Variants in AHSA1 observed in about 807,000 individuals in gnomAD.
The protein encoded by AHSA1 is activator of HSP90 ATPase activity 1, also known as activator of 90 kDa heat shock protein ATPase homolog 1.
In AHSA1, 14 loss-of-function variants were observed where a neutral mutation model predicts 46.1. The observed-to-expected ratio is 0.30, with a 90% CI of 0.20 to 0.47. The LOEUF is 0.47. AHSA1 is among the 20% of genes least tolerant of loss of function. The pLI, the probability that AHSA1 is intolerant of heterozygous loss-of-function variation, is 0.99. For missense variants in AHSA1, 333 were observed against 415.9 expected (o/e 0.80, Z 1.73); for synonymous variants, 147 against 145.8 (o/e 1.01, Z -0.06).
chr14:77,462,769 G>A lies in AHSA1; in HGVS notation c.472+10G>A. The A allele has an allele frequency of 1.2e-6, 2 of 1,609,388 alleles. No individual in the cohort carries two copies. Among genetic ancestry groups the A allele is most frequent in the South Asian group, 1.1e-5 (1 of 90,950 alleles). ...AGCACCCTCAAAACAGGTATCCCTTGAGTAGTTCTGTATGCCTTAAGGAGG... is the reference window on the plus strand; with the variant it reads ...AGCACCCTCAAAACAGGTATCCCTTAAGTAGTTCTGTATGCCTTAAGGAGG... On this transcript the variant is annotated intron_variant, in intron 4 of 8. Coordinates refer to ENST00000216479, the MANE Select transcript of AHSA1 (RefSeq NM_012111.3).
At position 77,465,236 on chromosome 14, in the gene AHSA1, T is replaced by G. The variant is rs1311802420; in HGVS notation, c.562-303T>G. Among the ~76,000 whole-genome samples the G allele has an allele frequency of 2.0e-5, 3 of 152,226 alleles. No homozygotes were observed. The South Asian group carries it at 6.2e-4, about 32-fold the overall frequency. On this transcript the variant is annotated intron_variant, in intron 5 of 8. Transcript: ENST00000216479. Reference sequence around the variant, plus strand: ...AAAACCGCTTCCAGCTATTTAAACATAGAAATTGTTTGAGAATTACACTGA... The same window carrying G: ...AAAACCGCTTCCAGCTATTTAAACAGAGAAATTGTTTGAGAATTACACTGA...
At chr14:77,464,446 A>T in intron 4 of AHSA1, 152 bp from the exon 5 acceptor site, 1 of 652,284 alleles carries the variant, frequency 1.5e-6, no homozygotes, top group Non-Finnish European at 2.7e-6. Flanking sequence ...AGTCTGGCAT[A>T]GGCCAAAAGT....
At chr14:77,462,971 C>G in intron 4 of AHSA1, 1 of 487,076 alleles carries the variant, frequency 2.1e-6, no homozygotes, top group Non-Finnish European at 3.8e-6. Flanking sequence ...TTAGATGTGG[C>G]TAGACCAAAC....
At chr14:77,461,010 T>A (rs1034212303) in intron 2 of AHSA1, among the ~76,000 whole-genome samples, 2 of 151,220 alleles carry the variant, frequency 1.3e-5, no homozygotes, top group African/African-American at 4.9e-5. Context: ...ATACAAAAAA[T>A]TAGCCCGGCG....
intron 5 of AHSA1, among the ~76,000 whole-genome samples, 164 bp from the exon 6 acceptor site, chr14:77,465,375 G>A (rs974947292): frequency 2.6e-5 from 4 of 152,182 alleles, no homozygotes; most frequent in African/African-American, 9.7e-5. Flanking sequence ...TTACCCTCAT[G>A]ACTGAAACAC....
intron 6 of AHSA1, among the ~76,000 whole-genome samples, chr14:77,466,821 C>T (rs1223592854): frequency 1.3e-5 from 2 of 152,248 alleles, no homozygotes; most frequent in African/African-American, 4.8e-5. Context: ...TACTTGGTGC[C>T]TGCTGCCTTG....
At chr14:77,468,361 G>A (rs2079057419) in intron 7 of AHSA1, 96 bp from the exon 8 acceptor site, 3 of 1,290,748 alleles carry the variant, frequency 2.3e-6, no homozygotes, top group Non-Finnish European at 3.3e-6. Context: ...TAATTGCACA[G>A]ATGGTAGACT....
rs182344522 is a variant in AHSA1, at chr14:77,458,866, C to T, written c.80+597C>T. 2.6e-4 allele frequency among the ~76,000 whole-genome samples: 40 copies of T among 152,238 alleles called. 1 individual carries two copies. Among genetic ancestry groups the T allele is most frequent in the African/African-American group, 7.9e-4 (33 of 41,550 alleles). Reference sequence around the variant, plus strand: ...ACCTGACCGTTCTTAAAATAACTGCCCTCCTTCATGAAATCTTCCCAAAGT... The same window carrying T: ...ACCTGACCGTTCTTAAAATAACTGCTCTCCTTCATGAAATCTTCCCAAAGT... On this transcript the variant is annotated intron_variant, in intron 1 of 8. Transcript: ENST00000216479.
rs929151124 is a variant in AHSA1, at chr14:77,464,692, T to C, written c.561+6T>C. 1.2e-6 allele frequency: 2 copies of C among 1,611,526 alleles called. No individual in the cohort carries two copies. Among genetic ancestry groups the C allele is most frequent in the Non-Finnish European group, 1.7e-6 (2 of 1,179,250 alleles). The stretch of plus-strand genomic sequence containing the variant: ...TGAAAACTGAGGAGCGCAAGGTAAA[T>C]GGTTTTCCTGGGGTGGGAGACTGTC... On this transcript the variant is annotated splice_donor_region_variant and intron_variant, in intron 5 of 8. Coordinates refer to ENST00000216479, the MANE Select transcript of AHSA1 (RefSeq NM_012111.3).
chr14:77,462,780 T>C, intron 4 of AHSA1, 21 bp downstream of exon 4: 2 of 1,599,648 alleles, frequency 1.3e-6, no homozygotes, highest in Non-Finnish European at 8.6e-7. Context: ...AGTAGTTCTG[T>C]ATGCCTTAAG....
chr14:77,461,021 TGGTGG>T (rs2079021166), intron 2 of AHSA1, among the ~76,000 whole-genome samples: 5 of 151,634 alleles, frequency 3.3e-5, no homozygotes, highest in Admixed American at 6.6e-5. Flanking sequence ...TAGCCCGGCG[TGGTGG>T]CATGTGCCTG....
chr14:77,459,136 G>A (rs2079007116), intron 1 of AHSA1, among the ~76,000 whole-genome samples: 1 of 152,122 alleles, frequency 6.6e-6, no homozygotes, highest in Non-Finnish European at 1.5e-5. Context: ...GGCCATCTAG[G>A]GGACAGTGAA....
chr14:77,458,907 AT>A (rs2079004384), intron 1 of AHSA1, among the ~76,000 whole-genome samples: 1 of 152,128 alleles, frequency 6.6e-6, no homozygotes, highest in Admixed American at 6.5e-5. Context: ...TAGTTTCCTT[AT>A]TTTTGAATTC....
chr14:77,464,552 A>C (rs1364149184), intron 4 of AHSA1, 46 bp from the exon 5 acceptor site: 1 of 1,513,856 alleles, frequency 6.6e-7, no homozygotes, highest in South Asian at 1.2e-5. Flanking sequence ...TCCAGATCTC[A>C]GCTACTAAGA....
intron 1 of AHSA1, 23 bp from the exon 2 acceptor site, chr14:77,459,593 A>G (rs1193599977): frequency 6.2e-7 from 1 of 1,613,246 alleles, no homozygotes; most frequent in East Asian, 2.2e-5. Context: ...CTGCTGGTTC[A>G]TAGCTCTGTT....
At chr14:77,466,499 T>C (rs1429379677) in intron 6 of AHSA1, 1 of 152,276 alleles carries the variant, frequency 6.6e-6, no homozygotes, top group Non-Finnish European at 1.5e-5. Context: ...TCCCATATAC[T>C]CTGGGACAAA....
chr14:77,462,302 A>G (rs569272181), intron 3 of AHSA1, 60 bp downstream of exon 3: 1 of 1,488,670 alleles, frequency 6.7e-7, no homozygotes, highest in South Asian at 1.1e-5. Context: ...CAGATGAGAA[A>G]AGTGACCTGT....
At chr14:77,458,929 T>C (rs1458084833) in intron 1 of AHSA1, among the ~76,000 whole-genome samples, 2 of 152,242 alleles carry the variant, frequency 1.3e-5, no homozygotes, top group East Asian at 1.9e-4. Flanking sequence ...CACTGAACTT[T>C]TTTCGTAATG....
chr14:77,459,745 TAAC>T lies in AHSA1; in HGVS notation c.213_215del (p.Asn72del). 1 of 1,614,202 alleles carries T rather than the reference TAAC, an allele frequency of 6.2e-7. No individual in the cohort carries two copies. The highest frequency in any genetic ancestry group is 8.5e-7 in the Non-Finnish European group (1 of 1,180,024). Reference sequence around the variant, plus strand: ...GTAAGCTTGATGGAGAGGCATCCATTAACAATCGCAAAGGGAAACTTATCTTCT... The same window carrying T: ...GTAAGCTTGATGGAGAGGCATCCATTAATCGCAAAGGGAAACTTATCTTCT... On this transcript the variant is annotated inframe_deletion, in exon 2 of 9. Transcript: ENST00000216479.
Sources: gnomAD v4.1 joint callset for allele counts (sites outside exome capture counted in the v4.1 genomes callset) on GRCh38, gnomAD v4.1.1 for gene constraint, MANE v1.5 for transcripts, NCBI Gene and HGNC (gene_info 2026-07-23, HGNC 2026-07-21) for gene names.